The following ZNF674 variants were observed in gnomAD, a reference collection of about 807,000 sequenced individuals.
The protein encoded by ZNF674 is zinc finger family member 674.
In ZNF674, 2 loss-of-function variants were observed where a neutral mutation model predicts 7.0. The ratio of observed to expected loss-of-function variants is 0.29; its 90% confidence interval spans 0.12 to 0.90. The LOEUF (loss-of-function observed/expected upper bound fraction) is 0.90, where lower values mean the gene tolerates loss of function less well. Ranked by LOEUF, ZNF674 falls within the 40% of genes least tolerant of loss-of-function variation. The pLI is 0.57. For synonymous variants in ZNF674, 103 were observed against 145.2 expected (o/e 0.71, Z 2.09); for missense variants, 297 against 415.5 (o/e 0.71, Z 2.48).
chrX:46,521,017 T>A (rs1008000675), intron 5 of ZNF674, among the ~76,000 whole-genome samples: 1 of 109,728 alleles, frequency 9.1e-6, no homozygotes, highest in African/African-American at 3.3e-5. Flanking sequence ...TGAAATCCCA[T>A]CTCTACTAAA....
chrX:46,531,869 T>C (rs776352929), intron 3 of ZNF674, among the ~76,000 whole-genome samples: 1 of 110,606 alleles, frequency 9.0e-6, no homozygotes, highest in Non-Finnish European at 1.9e-5. Flanking sequence ...TTAAAAAAAA[T>C]AAAACATATG....
At chrX:46,512,080 G>A (rs761282138) in intron 5 of ZNF674, among the ~76,000 whole-genome samples, 20 of 108,436 alleles carry the variant, frequency 1.8e-4, no homozygotes, top group South Asian at 1.6e-3. Flanking sequence ...GGTTTTGGCC[G>A]GGCGCCACAG....
chrX:46,528,570 C>A, intron 4 of ZNF674, 125 bp from the exon 5 acceptor site: 1 of 950,307 alleles, frequency 1.1e-6, no homozygotes, highest in Non-Finnish European at 1.5e-6. Flanking sequence ...GCTATCTGCC[C>A]CTCAGTACAG....
At chrX:46,510,763 C>G (rs980174121) in intron 5 of ZNF674, among the ~76,000 whole-genome samples, 1 of 112,360 alleles carries the variant, frequency 8.9e-6, no homozygotes, top group Non-Finnish European at 1.9e-5. Flanking sequence ...TGCACTCCAG[C>G]CCGGGTAACA....
At chrX:46,543,004 G>A (rs959724694) in intron 2 of ZNF674, among the ~76,000 whole-genome samples, 2 of 110,579 alleles carry the variant, frequency 1.8e-5, no homozygotes, top group East Asian at 5.7e-4. Context: ...AGGCTGGAGT[G>A]CAGTGGCATG....
chrX:46,507,714 C>G (rs1216387654), intron 5 of ZNF674, among the ~76,000 whole-genome samples: 1 of 111,789 alleles, frequency 8.9e-6, no homozygotes, highest in Admixed American at 9.6e-5. Context: ...TATTGGGAAA[C>G]AAGAAGTCTA....
chrX:46,535,921 A>G lies in ZNF674; in HGVS notation c.15+6152T>C, dbSNP rs146284256. 1.9e-3 allele frequency among the ~76,000 whole-genome samples: 209 copies of G among 112,328 alleles called. 4 individuals are homozygous for G. In the South Asian group the frequency reaches 0.033, roughly 18 times the overall value. The stretch of plus-strand genomic sequence containing the variant: ...GATTATAAGCCTCACTAAAAGTCAC[A>G]TATATGCTCATTAAATAATAAGATA... On this transcript the variant is annotated intron_variant, in intron 3 of 5. Coordinates refer to ENST00000683375, the MANE Select transcript of ZNF674 (RefSeq NM_001190417.2).
chrX:46,513,103 A>G (rs1259348606), intron 5 of ZNF674, among the ~76,000 whole-genome samples: 1 of 110,536 alleles, frequency 9.0e-6, no homozygotes, highest in East Asian at 2.9e-4. Context: ...TCTCTACTAA[A>G]AATACAAAAA....
intron 3 of ZNF674, among the ~76,000 whole-genome samples, chrX:46,540,847 T>C (rs2073240703): frequency 1.8e-5 from 2 of 110,313 alleles, no homozygotes; most frequent in Admixed American, 2.0e-4. Context: ...GTAGATCACC[T>C]GAGGTCAGGA....
intron 3 of ZNF674, among the ~76,000 whole-genome samples, chrX:46,540,225 C>G (rs1334308455): frequency 9.3e-6 from 1 of 107,361 alleles, no homozygotes. Context: ...GCCTGGGCGA[C>G]AGAGCGAGAC....
intron 3 of ZNF674, among the ~76,000 whole-genome samples, chrX:46,538,397 A>G (rs1458900898): frequency 1.8e-5 from 2 of 111,504 alleles, no homozygotes; most frequent in African/African-American, 6.5e-5. Flanking sequence ...GTAAGTGTCC[A>G]CTCCCCAAAA....
At chrX:46,515,922 C>T (rs1321767079) in intron 5 of ZNF674, among the ~76,000 whole-genome samples, 2 of 110,924 alleles carry the variant, frequency 1.8e-5, no homozygotes, top group Admixed American at 9.7e-5. Flanking sequence ...TGTTTAAGTA[C>T]GTATAATTTC....
In ZNF674 at chrX:46,500,596, AAT is replaced by A. The variant is rs1941403013; in HGVS notation, c.976_977del (p.Ile326Ter). The A allele has an allele frequency of 8.3e-7, 1 of 1,209,645 alleles. No individual in the cohort carries two copies. Among genetic ancestry groups the A allele is most frequent in the Non-Finnish European group, 1.1e-6 (1 of 894,797 alleles). The stretch of plus-strand genomic sequence containing the variant: ...TAATACCTTTATAAAATGCTTGTCT[AAT>A]GTGTGTTTTTTCATGTCTAATAAGA... Reference protein sequence around the residue: ...YHLIRHEKTHIRQAFYKGIKC... With the variant: ...YHLIRHEKTHXRQAFYKGIKC... On this transcript the variant is annotated frameshift_variant, in exon 6 of 6. Coordinates refer to ENST00000683375, the MANE Select transcript of ZNF674 (RefSeq NM_001190417.2). LOFTEE classifies it low-confidence loss of function (END_TRUNC).
chrX:46,522,193 CCAA>C (rs1209413218), intron 5 of ZNF674, among the ~76,000 whole-genome samples: 1 of 106,270 alleles, frequency 9.4e-6, no homozygotes, highest in East Asian at 3.0e-4. Context: ...GTTTTACAAA[CCAA>C]CAACATTTGG....
chrX:46,534,937 C>T (rs1264925808), intron 3 of ZNF674, among the ~76,000 whole-genome samples: 4 of 109,141 alleles, frequency 3.7e-5, no homozygotes, highest in Non-Finnish European at 7.6e-5. Context: ...GACGGTGTTT[C>T]ACCATGTTGG....
In ZNF674 at chrX:46,528,440, G is replaced by C. The variant is rs755396940; in HGVS notation, c.148C>G (p.Leu50Val). 5.8e-6 allele frequency: 7 copies of C among 1,209,200 alleles called. No homozygotes were observed. In the East Asian group the frequency reaches 2.1e-4, roughly 36 times the overall value. Reference protein sequence around the residue: ...NYSHLVSVGHLVGKPDVIFRL... With the variant: ...NYSHLVSVGHVVGKPDVIFRL... ...AAGATCACATCTGGCTTCCCAACTA[G>C]ATGCCCTGTTTAGGGGACATGACAT... is the stretch of plus-strand genomic sequence containing the variant. Residue 50 changes from leucine (L) to valine (V), a missense_variant, in exon 5 of 6, where the codon CTA becomes GTA. Transcript: ENST00000683375.
intron 5 of ZNF674, chrX:46,527,668 A>G (rs1363666420): frequency 1.8e-5 from 2 of 111,992 alleles, no homozygotes; most frequent in East Asian, 5.6e-4. Context: ...GAAGGTACTG[A>G]AAACAGGAGG....
rs186121103 is a variant in ZNF674 at position 46,522,740 on chromosome X, C to A, written c.238+5610G>T. Among the ~76,000 whole-genome samples the A allele has an allele frequency of 4.5e-5, 5 of 112,027 alleles. No individual in the cohort carries two copies. The East Asian group carries it at 1.4e-3, about 31-fold the overall frequency. On this transcript the variant is annotated intron_variant, in intron 5 of 5. Transcript: ENST00000683375. ...TGTGATACCCAAACTAGAACACTAT[C>A]CTGCAATGAAAATAAACATCATGGC...
intron 5 of ZNF674, among the ~76,000 whole-genome samples, chrX:46,513,510 T>C (rs1334298329): frequency 1.8e-5 from 2 of 111,890 alleles, no homozygotes; most frequent in Non-Finnish European, 3.8e-5. Flanking sequence ...CATAAGGTCA[T>C]AGAGCTTTGC....
Sources: gnomAD v4.1 joint callset for allele counts (sites outside exome capture counted in the v4.1 genomes callset) on GRCh38, gnomAD v4.1.1 for gene constraint, MANE v1.5 for transcripts, NCBI Gene and HGNC (gene_info 2026-07-23, HGNC 2026-07-21) for gene names.